SULF2: variants seen among roughly 807,000 people sequenced by gnomAD.
SULF2 encodes the protein extracellular sulfatase Sulf-2.
SULF2 carries 52 observed loss-of-function variants against 107.7 expected under a neutral mutation model. The observed-to-expected ratio is 0.48, with a 90% confidence interval of 0.39 to 0.61. The LOEUF is 0.61. SULF2 is among the 20% of genes least tolerant of loss of function. The pLI is 0.00. For synonymous variants in SULF2, 460 were observed against 464.3 expected (o/e 0.99, Z 0.12); for missense variants, 993 against 1,177.3 (o/e 0.84, Z 2.29).
chr20:47,737,775 T>TTTTG (rs1488220644), intron 2 of SULF2, among the ~76,000 whole-genome samples: 9 of 142,322 alleles, frequency 6.3e-5, no homozygotes, highest in Non-Finnish European at 1.2e-4. Flanking sequence ...TTTTTTTTTT[T>TTTTG]TTTTTGAGAC....
intron 3 of SULF2, among the ~76,000 whole-genome samples, chr20:47,727,665 C>T (rs912378181): frequency 6.6e-6 from 1 of 152,162 alleles, no homozygotes; most frequent in Non-Finnish European, 1.5e-5. Context: ...GGAACCTCTC[C>T]TCCTGGGTTT....
intron 2 of SULF2, among the ~76,000 whole-genome samples, chr20:47,741,502 C>T (rs2089881655): frequency 1.3e-5 from 2 of 152,220 alleles, no homozygotes; most frequent in Non-Finnish European, 2.9e-5. Context: ...ACCCTGCACT[C>T]ATCATCTAAC....
chr20:47,783,462 A>G (rs559568377), intron 1 of SULF2, among the ~76,000 whole-genome samples: 92 of 152,238 alleles, frequency 6.0e-4, no homozygotes, highest in Non-Finnish European at 1.2e-3. Context: ...GTGAAACTGC[A>G]TATCAACTGG....
intron 18 of SULF2, among the ~76,000 whole-genome samples, chr20:47,660,028 A>C (rs1309694037): frequency 6.6e-6 from 1 of 152,232 alleles, no homozygotes; most frequent in Non-Finnish European, 1.5e-5. Context: ...AGATGCAGGC[A>C]TGAACATCTG....
At chr20:47,720,330 C>T (rs572722121) in intron 3 of SULF2, among the ~76,000 whole-genome samples, 9 of 152,030 alleles carry the variant, frequency 5.9e-5, no homozygotes, top group Non-Finnish European at 1.3e-4. Flanking sequence ...GATCTTGGCT[C>T]ACTGCAACCA....
At chr20:47,744,285 C>G (rs373878438) in intron 2 of SULF2, among the ~76,000 whole-genome samples, 2 of 152,100 alleles carry the variant, frequency 1.3e-5, no homozygotes, top group Admixed American at 6.5e-5. Flanking sequence ...TGGGTTCAAG[C>G]GATTCTCCTG....
Position 47,731,188 on chromosome 20 carries a change from T to TCTCTC in SULF2, c.415+5514_415+5515insGAGAG, listed in dbSNP as rs1555848479. ...GCCTGCTACTCACCTGTATCTTCTC[T>TCTCTC]TTTTTTTTTTTTTTTTTTTTTTGAG... On this transcript the variant is annotated intron_variant, in intron 3 of 20. Coordinates refer to ENST00000688720, the MANE Select transcript of SULF2 (RefSeq NM_001387048.1). Among the ~76,000 whole-genome samples the TCTCTC allele has an allele frequency of 2.3e-3, 84 of 36,348 alleles. 1 individual carries two copies. Among genetic ancestry groups the TCTCTC allele is most frequent in the African/African-American group, 0.012 (81 of 6,764 alleles). The allele number at this position is 36,348 out of a possible 152,430, so 23.8% of individuals were successfully genotyped here. A position where few individuals can be genotyped will look rare whatever the true frequency, so the allele number is the denominator to read the frequency against.
In SULF2 at chr20:47,665,860, G is replaced by A. The variant is rs1284626184; in HGVS notation, c.1899C>T (p.His633=). The A allele has an allele frequency of 6.2e-6, 10 of 1,613,580 alleles. No homozygotes were observed. The highest frequency in any genetic ancestry group is 1.7e-5 in the Admixed American group (1 of 60,008). The change falls in exon 13 of 21, where the codon CAC becomes CAT. Residue 633 remains histidine, a synonymous_variant. Coordinates refer to ENST00000688720, the MANE Select transcript of SULF2 (RefSeq NM_001387048.1). ...TCCTCTCCCGCTCTCCACTCACCTC[G>A]TGGTCGATGTGCAGCTTGTGGTCTT... The part of the protein sequence containing the change: ...AWKDHKLHID[H]EIETLQNKIK...
At chr20:47,677,598 A>T (rs900956586) in intron 8 of SULF2, among the ~76,000 whole-genome samples, 1 of 152,066 alleles carries the variant, frequency 6.6e-6, no homozygotes, top group Non-Finnish European at 1.5e-5. Context: ...GGTTGCCTTG[A>T]TGTCAGGTTA....
chr20:47,670,732 G>A (rs1270162708), intron 11 of SULF2, among the ~76,000 whole-genome samples: 1 of 147,698 alleles, frequency 6.8e-6, no homozygotes, highest in East Asian at 2.0e-4. Flanking sequence ...GTGGGAGAAT[G>A]GGGAGATAAC....
chr20:47,727,714 T>C (rs1295662371), intron 3 of SULF2, among the ~76,000 whole-genome samples: 1 of 152,124 alleles, frequency 6.6e-6, no homozygotes. Context: ...TGGCGTCTTA[T>C]CACAGGCACT....
At chr20:47,756,989 A>G (rs1256198620) in intron 2 of SULF2, among the ~76,000 whole-genome samples, 200 bp downstream of exon 2, 1 of 152,196 alleles carries the variant, frequency 6.6e-6, no homozygotes, top group Non-Finnish European at 1.5e-5. Context: ...CGGTTGTGCA[A>G]CTGGAGAAGG....
intron 3 of SULF2, among the ~76,000 whole-genome samples, chr20:47,710,829 G>A (rs1230688507): frequency 1.3e-5 from 2 of 152,128 alleles, no homozygotes; most frequent in Admixed American, 6.5e-5. Flanking sequence ...GCAGCTCTAC[G>A]GTGGAGGCTC....
intron 2 of SULF2, among the ~76,000 whole-genome samples, chr20:47,753,178 C>T (rs1321516854): frequency 1.3e-5 from 2 of 151,818 alleles, no homozygotes; most frequent in Non-Finnish European, 2.9e-5. Flanking sequence ...CACTTCAAAT[C>T]CGACAATCTG....
At chr20:47,760,993 C>A (rs1034567752) in intron 1 of SULF2, among the ~76,000 whole-genome samples, 1 of 152,288 alleles carries the variant, frequency 6.6e-6, no homozygotes, top group Non-Finnish European at 1.5e-5. Flanking sequence ...AACTTAACAC[C>A]TTTGTGCCTC....
At position 47,681,420 on chromosome 20, in the gene SULF2, A is replaced by C. The variant is rs569084008; in HGVS notation, c.1064+1574T>G. ...GATGTGGTTTTGGGCCCTATGAGTC[A>C]GATCACAGATTCCGAGGCTGACCAA... On this transcript the variant is annotated intron_variant, in intron 7 of 20. Transcript: ENST00000688720. Among the ~76,000 whole-genome samples the C allele has an allele frequency of 1.2e-4, 18 of 152,262 alleles. No individual in the cohort carries two copies. In the East Asian group the frequency reaches 2.3e-3, roughly 20 times the overall value.
rs1263543373 is a variant in SULF2 at position 47,785,342 on chromosome 20, C to A, written c.-101+1G>T. The A allele has an allele frequency of 2.0e-5, 3 of 146,780 alleles. No individual in the cohort carries two copies. Among genetic ancestry groups the A allele is most frequent in the African/African-American group, 7.4e-5 (3 of 40,546 alleles). The allele number at this position is 146,780 out of a possible 1,614,324, so 9.1% of individuals were successfully genotyped here. ...CCACCTGCCCCCCACGCCCCACTCA[C>A]CAGCGCGCACGGCCCCGGCAACCTC... On this transcript the variant is annotated splice_donor_variant, in intron 1 of 20. Transcript: ENST00000688720. LOFTEE classifies it low-confidence loss of function (5UTR_SPLICE).
intron 1 of SULF2, among the ~76,000 whole-genome samples, chr20:47,764,010 G>A (rs1295686016): frequency 6.6e-6 from 1 of 152,066 alleles, no homozygotes; most frequent in Non-Finnish European, 1.5e-5. Context: ...TGCACACCTG[G>A]TTCCAGCCAC....
At chr20:47,746,536 G>A (rs1193296555) in intron 2 of SULF2, among the ~76,000 whole-genome samples, 1 of 152,142 alleles carries the variant, frequency 6.6e-6, no homozygotes, top group African/African-American at 2.4e-5. Context: ...CCTGCTAATG[G>A]GCTGCAGCAG....
Sources: allele counts gnomAD v4.1 joint callset (sites outside exome capture counted in the v4.1 genomes callset), GRCh38; gene constraint gnomAD v4.1.1; transcripts MANE v1.5; gene names NCBI Gene and HGNC (gene_info 2026-07-23, HGNC 2026-07-21).